The following SLC3A2 variants were observed in gnomAD, a reference collection of about 807,000 sequenced individuals.
SLC3A2 encodes amino acid transporter heavy chain SLC3A2.
SLC3A2 carries 32 observed loss-of-function variants against 48.5 expected under a neutral mutation model. That is an observed-to-expected ratio of 0.66 (90% CI 0.50 to 0.89). The LOEUF is 0.89. Ranked by LOEUF, SLC3A2 falls within the 40% of genes least tolerant of loss-of-function variation. SLC3A2 has a pLI of 0.00. For missense variants in SLC3A2, 587 were observed against 680.7 expected, an observed-to-expected ratio of 0.86 and a Z score of 1.53; for synonymous variants, 277 against 288.8, an observed-to-expected ratio of 0.96 and a Z score of 0.41.
chr11:62,859,346 G>A (rs2085373410), intron 1 of SLC3A2, among the ~76,000 whole-genome samples: 1 of 152,120 alleles, frequency 6.6e-6, no homozygotes, highest in South Asian at 2.1e-4. Context: ...GAGAGCACGG[G>A]GTTGGGGGTA....
At chr11:62,856,825 TTC>T (rs1372458197) in intron 1 of SLC3A2, among the ~76,000 whole-genome samples, 1 of 72,262 alleles carries the variant, frequency 1.4e-5, no homozygotes, top group Non-Finnish European at 2.6e-5. Context: ...ATTTTTTTCT[TTC>T]TTTTTTTTTT....
chr11:62,868,742 A>C (rs1028834120), intron 1 of SLC3A2, among the ~76,000 whole-genome samples: 1 of 152,106 alleles, frequency 6.6e-6, no homozygotes, highest in Non-Finnish European at 1.5e-5. Context: ...CCACTTATGC[A>C]ATTTGTATCC....
intron 1 of SLC3A2, among the ~76,000 whole-genome samples, chr11:62,862,353 A>T (rs2085409260): frequency 6.7e-6 from 1 of 149,024 alleles, no homozygotes; most frequent in Admixed American, 6.7e-5. Flanking sequence ...AAAAAAAAAA[A>T]AAAAGCCCTG....
At chr11:62,883,917 G>T in intron 3 of SLC3A2, 1 of 454,504 alleles carries the variant, frequency 2.2e-6, no homozygotes, top group Admixed American at 2.4e-5. Context: ...CTGCCCTGGG[G>T]CTATGCTTTG....
At chr11:62,871,587 T>C in intron 1 of SLC3A2, 1 of 654,340 alleles carries the variant, frequency 1.5e-6, no homozygotes. Context: ...AGACGGGGTC[T>C]GACTGTGTTA....
intron 1 of SLC3A2, among the ~76,000 whole-genome samples, chr11:62,859,318 GAC>G (rs1359291262): frequency 6.6e-6 from 1 of 152,158 alleles, no homozygotes; most frequent in Non-Finnish European, 1.5e-5. Flanking sequence ...CCCTGAGTTT[GAC>G]ACAGCACATG....
intron 1 of SLC3A2, chr11:62,870,833 G>A (rs1266930489): frequency 9.7e-6 from 2 of 206,428 alleles, no homozygotes; most frequent in East Asian, 1.7e-4. Flanking sequence ...ATGCCGAGAT[G>A]ATAGGTAATA....
In SLC3A2 at chr11:62,880,915, G is replaced by A. The variant is rs773116660; in HGVS notation, c.-109G>A. On this transcript the variant is annotated 5_prime_UTR_variant, in exon 1 of 9. Transcript: ENST00000338663. Reference sequence around the variant, plus strand: ...CTGAGCAGATGCAGTAGCCGAAACTGCGCGGAGGCACAGAGGCCGGGGAGA... The same window carrying A: ...CTGAGCAGATGCAGTAGCCGAAACTACGCGGAGGCACAGAGGCCGGGGAGA... The A allele has an allele frequency of 1.4e-4, 210 of 1,457,858 alleles. No individual in the cohort carries two copies. Among genetic ancestry groups the A allele is most frequent in the Non-Finnish European group, 1.8e-4 (202 of 1,104,962 alleles). The allele number at this position is 1,457,858 out of a possible 1,614,324, so 90.3% of individuals were successfully genotyped here. A position where few individuals can be genotyped will look rare whatever the true frequency, so the allele number is the denominator to read the frequency against.
At position 62,884,319 on chromosome 11, in the gene SLC3A2, G is replaced by T; in HGVS notation, c.691-138G>T. 3 of 832,366 alleles carry T rather than the reference G, an allele frequency of 3.6e-6. No individual in the cohort carries two copies. The South Asian group carries it at 4.6e-5, about 13-fold the overall frequency. 51.6% of individuals were successfully genotyped at this position (832,366 alleles called of 1,614,324 possible). ...AGGCTAAGCCTTTGTAGTGCAGGTG[G>T]GGAAGACCCAGGCAAGGCACAGGAC... On this transcript the variant is annotated intron_variant, in intron 3 of 8. Coordinates refer to ENST00000338663, the MANE Select transcript of SLC3A2 (RefSeq NM_001013251.3).
chr11:62,857,805 C>T lies in SLC3A2; in HGVS notation c.112+1424C>T, dbSNP rs537612375. Among the ~76,000 whole-genome samples the T allele has an allele frequency of 3.0e-3, 453 of 149,402 alleles. 3 individuals carry two copies. Among genetic ancestry groups the T allele is most frequent in the African/African-American group, 9.6e-3 (388 of 40,608 alleles). On this transcript the variant is annotated intron_variant, in intron 1 of 9. Transcript: ENST00000377889. ...GGAGGTTGTGTGTGGGAATGGCAGTCGGGAAATGCTTTATAGAGTGTCTGG... is the reference window on the plus strand; with the variant it reads ...GGAGGTTGTGTGTGGGAATGGCAGTTGGGAAATGCTTTATAGAGTGTCTGG...
At chr11:62,870,236 C>T (rs943031378) in intron 1 of SLC3A2, among the ~76,000 whole-genome samples, 1 of 151,666 alleles carries the variant, frequency 6.6e-6, no homozygotes, top group Non-Finnish European at 1.5e-5. Context: ...GCCTGGAGTG[C>T]AGTGGCGTGA....
At chr11:62,884,813 CT>C (rs541507991) in intron 5 of SLC3A2, 123 bp downstream of exon 5, 20 of 56,004 alleles carry the variant, frequency 3.6e-4, no homozygotes, top group African/African-American at 2.1e-3. Context: ...CTTTCTTTAG[CT>C]TTTTTTTTTT....
upstream of SLC3A2, chr11:62,880,793 C>A: frequency 1.2e-6 from 1 of 825,844 alleles, no homozygotes; most frequent in Non-Finnish European, 1.8e-6. Flanking sequence ...CTTTACTACC[C>A]TGAGCCGCCC....
chr11:62,865,024 C>A (rs1440145933), intron 1 of SLC3A2, among the ~76,000 whole-genome samples: 3 of 152,156 alleles, frequency 2.0e-5, no homozygotes, highest in Non-Finnish European at 4.4e-5. Context: ...TGTAAGTCCC[C>A]ACTGTAATGT....
intron 7 of SLC3A2, 85 bp downstream of exon 7, chr11:62,885,693 A>T (rs1380898910): frequency 6.8e-7 from 1 of 1,474,902 alleles, no homozygotes; most frequent in African/African-American, 1.4e-5. Flanking sequence ...CATAGACGTG[A>T]GCCTTGGGGT....
chr11:62,881,368 G>C lies in SLC3A2; in HGVS notation c.345G>C (p.Gln115His), dbSNP rs1208902521. ...RAPRCRELPA[Q>H]KWWHTGALYR... is the part of the protein sequence containing the mutation. ...CGCGTTGTCGCGAGCTACCGGCGCAGAAGTGGTGGCACACGGGCGCCCTCT... is the reference window on the plus strand; with the variant it reads ...CGCGTTGTCGCGAGCTACCGGCGCACAAGTGGTGGCACACGGGCGCCCTCT... The change falls in exon 1 of 9, where the codon CAG (glutamine) becomes CAC (histidine). Residue 115 changes from glutamine (Q) to histidine (H), a missense_variant. Gln to His is a conservative substitution (Grantham distance 24, BLOSUM62 0). This residue lies in a region of SLC3A2 where 409 missense variants were observed against 446.7 expected (regional missense o/e 0.92). Coordinates refer to ENST00000338663, the MANE Select transcript of SLC3A2 (RefSeq NM_001013251.3). This position sits in a 1 kb window ranked among gnomAD's most constrained non-coding sequence, Gnocchi z 4.0. 2 of 1,597,790 alleles carry C rather than the reference G, an allele frequency of 1.3e-6. No homozygotes were observed. Among genetic ancestry groups the C allele is most frequent in the African/African-American group, 1.3e-5 (1 of 74,740 alleles).
upstream of SLC3A2, chr11:62,880,891 T>C (rs1190096012): frequency 9.7e-6 from 14 of 1,436,602 alleles, no homozygotes; most frequent in South Asian, 1.4e-4. Flanking sequence ...CGCCTGCTGC[T>C]GAGCAGATGC....
At position 62,881,949 on chromosome 11, in the gene SLC3A2, G is replaced by T. The variant is rs145066571; in HGVS notation, c.481G>T (p.Gly161Cys). 2,895 of 1,614,132 alleles carry T rather than the reference G, an allele frequency of 1.8e-3. 8 individuals carry two copies. The highest frequency in any genetic ancestry group is 2.3e-3 in the Non-Finnish European group (2,668 of 1,180,022). The change falls in exon 2 of 9, where the codon GGT becomes TGT. Residue 161 changes from glycine (G) to cysteine (C), a missense_variant. Coordinates refer to ENST00000338663, the MANE Select transcript of SLC3A2 (RefSeq NM_001013251.3). This position sits in a 1 kb window ranked among gnomAD's most constrained non-coding sequence, Gnocchi z 4.0. ...SSLKVKGLVL[G>C]PIHKNQKDDV... ...TCTGAAGGTGAAGGGCCTTGTGCTG[G>T]GTCCAATTCACAAGAACCAGAAGGA...
intron 1 of SLC3A2, among the ~76,000 whole-genome samples, chr11:62,873,786 T>C (rs1001900082): frequency 2.6e-5 from 4 of 151,952 alleles, no homozygotes; most frequent in South Asian, 2.1e-4. Flanking sequence ...GTTATTTGTT[T>C]TTTTGTTTAT....
Sources: gnomAD v4.1 joint callset for allele counts (sites outside exome capture counted in the v4.1 genomes callset) on GRCh38, gnomAD v4.1.1 for gene constraint, gnomAD v4.1.1 regional missense constraint, Gnocchi (gnomAD v3.1) non-coding constraint, MANE v1.5 for transcripts, NCBI Gene and HGNC (gene_info 2026-07-23, HGNC 2026-07-21) for gene names.